Variants in FAM135A observed in about 807,000 individuals in gnomAD.
FAM135A encodes protein FAM135A.
FAM135A carries 79 observed loss-of-function variants against 146.8 expected under a neutral mutation model. That is an observed-to-expected ratio of 0.54 (90% confidence interval 0.45 to 0.65). The LOEUF is 0.65. Among genes scored for constraint, FAM135A ranks in the 30% least tolerant of loss-of-function variants. The pLI, the probability that FAM135A is intolerant of heterozygous loss-of-function variation, is 0.00. For missense variants in FAM135A, 1,623 were observed against 1,758.2 expected (o/e 0.92, Z 1.38); for synonymous variants, 562 against 603.6 (o/e 0.93, Z 1.01).
intron 20 of FAM135A, among the ~76,000 whole-genome samples, chr6:70,539,864 T>C (rs1393390788): frequency 2.0e-5 from 3 of 151,876 alleles, no homozygotes; most frequent in Non-Finnish European, 4.4e-5. Flanking sequence ...GGCGTGGTGG[T>C]GGGCACCTGT....
chr6:70,480,345 C>CT (rs1783469739), intron 8 of FAM135A, among the ~76,000 whole-genome samples: 1 of 152,054 alleles, frequency 6.6e-6, no homozygotes, highest in Non-Finnish European at 1.5e-5. Context: ...TGGCACATGA[C>CT]TGTAGTTCTA....
intron 8 of FAM135A, 44 bp downstream of exon 8, chr6:70,477,376 C>T (rs753296193): frequency 6.3e-7 from 1 of 1,576,552 alleles, no homozygotes; most frequent in Non-Finnish European, 8.7e-7. Context: ...TCTTACACTG[C>T]AATAAAGAAA....
intron 4 of FAM135A, among the ~76,000 whole-genome samples, chr6:70,439,447 C>T (rs1773951942): frequency 6.6e-6 from 1 of 152,116 alleles, no homozygotes; most frequent in East Asian, 1.9e-4. Flanking sequence ...TTAATATTTA[C>T]AAGAAATACC....
At chr6:70,457,667 T>C (rs1320255173) in intron 5 of FAM135A, among the ~76,000 whole-genome samples, 1 of 152,226 alleles carries the variant, frequency 6.6e-6, no homozygotes, top group Non-Finnish European at 1.5e-5. Context: ...TTGATCACTA[T>C]TCTTCATCAA....
chr6:70,477,129 T>C, intron 7 of FAM135A, 30 bp from the exon 8 acceptor site: 4 of 1,592,566 alleles, frequency 2.5e-6, no homozygotes, highest in Non-Finnish European at 2.6e-6. Context: ...AAATGTTTCA[T>C]ACTTACATGC....
chr6:70,506,491 T>A (rs1468933524), intron 12 of FAM135A, among the ~76,000 whole-genome samples: 1 of 152,160 alleles, frequency 6.6e-6, no homozygotes, highest in African/African-American at 2.4e-5. Flanking sequence ...TGAATGTGGC[T>A]GTGTTTCAAT....
At chr6:70,422,297 A>G (rs1336167095) in intron 2 of FAM135A, among the ~76,000 whole-genome samples, 1 of 152,218 alleles carries the variant, frequency 6.6e-6, no homozygotes, top group Non-Finnish European at 1.5e-5. Flanking sequence ...GTTTCTAAGA[A>G]GAGGATCAAA....
At chr6:70,555,731 G>C (rs1800713297) in intron 20 of FAM135A, among the ~76,000 whole-genome samples, 1 of 151,918 alleles carries the variant, frequency 6.6e-6, no homozygotes, top group Non-Finnish European at 1.5e-5. Context: ...AGAATGAAGG[G>C]GGGGGAGTCA....
At chr6:70,540,893 T>G (rs1259375549) in intron 20 of FAM135A, among the ~76,000 whole-genome samples, 5 of 152,202 alleles carry the variant, frequency 3.3e-5, no homozygotes, top group African/African-American at 1.2e-4. Flanking sequence ...ATCTATTCCC[T>G]TAGACACTCT....
Position 70,526,517 on chromosome 6 carries a change from C to T in FAM135A, c.3433C>T (p.Pro1145Ser). Residue 1145 changes from proline (P) to serine (S), a missense_variant, in exon 15 of 22, where the codon CCT becomes TCT. By Grantham distance (74) the Pro-to-Ser change is moderately conservative. This residue lies in a region of FAM135A where 1,061 missense variants were observed against 1,113.8 expected (regional missense o/e 0.95). Transcript: ENST00000418814. ...SDYLRDGINMPTVCTSGCLSF... is the reference protein window; with the variant it reads ...SDYLRDGINMSTVCTSGCLSF... ...CTATCTGAGAGATGGTATAAACATG[C>T]CTACTGTCTGTACTTCTGGTTGTTT... 2 of 1,613,498 alleles carry T rather than the reference C, an allele frequency of 1.2e-6. No homozygotes were observed. The highest frequency in any genetic ancestry group is 1.7e-6 in the Non-Finnish European group (2 of 1,179,666).
intron 4 of FAM135A, among the ~76,000 whole-genome samples, chr6:70,429,278 C>T (rs1770921459): frequency 6.6e-6 from 1 of 151,944 alleles, no homozygotes; most frequent in African/African-American, 2.4e-5. Context: ...TTTGGGAGGC[C>T]GAGGCGGGCA....
At chr6:70,557,626 A>G (rs58370765) in intron 21 of FAM135A, 42,851 of 149,906 alleles carry the variant, frequency 0.29, 8,272 homozygotes, top group African/African-American at 0.55. Flanking sequence ...CCCGGGAGGG[A>G]AAGGTTGCAG....
chr6:70,552,234 AT>A (rs1244172700), intron 20 of FAM135A, among the ~76,000 whole-genome samples: 4 of 152,164 alleles, frequency 2.6e-5, no homozygotes, highest in Non-Finnish European at 4.4e-5. Context: ...AGTGACATTA[AT>A]TTATACATAA....
At chr6:70,489,992 C>G (rs926554610) in intron 10 of FAM135A, among the ~76,000 whole-genome samples, 15 of 152,128 alleles carry the variant, frequency 9.9e-5, no homozygotes, top group Non-Finnish European at 2.9e-5. Context: ...CTTGCCTGCT[C>G]GTATCTGGCC....
chr6:70,556,844 T>A lies in FAM135A; in HGVS notation c.4323T>A (p.Ala1441=). The change falls in exon 21 of 22, where the codon GCT becomes GCA. Residue 1441 remains alanine (A), a synonymous_variant. Transcript: ENST00000418814. ...CCCGCATTGAAATGTGTAAAACAGC[T>A]TTAAAGGACAAACAGTCAGGTAATG... ...HSARIEMCKT[A]LKDKQSGQIY... is the part of the protein sequence containing the mutation. The A allele has an allele frequency of 6.2e-7, 1 of 1,613,742 alleles. No individual in the cohort carries two copies. Among genetic ancestry groups the A allele is most frequent in the East Asian group, 2.2e-5 (1 of 44,880 alleles).
intron 2 of FAM135A, among the ~76,000 whole-genome samples, chr6:70,416,444 AG>A (rs1767594917): frequency 6.6e-6 from 1 of 151,996 alleles, no homozygotes; most frequent in African/African-American, 2.4e-5. Flanking sequence ...CCTTGTTGTG[AG>A]GGCTGTTTAG....
At chr6:70,524,260 G>A in intron 14 of FAM135A, 83 bp from the exon 15 acceptor site, 1 of 1,398,976 alleles carries the variant, frequency 7.1e-7, no homozygotes, top group Non-Finnish European at 9.5e-7. Context: ...GATATTAGAA[G>A]TTATAGTTAG....
chr6:70,491,321 T>G (rs772503423), intron 11 of FAM135A, among the ~76,000 whole-genome samples: 4 of 151,974 alleles, frequency 2.6e-5, no homozygotes, highest in Non-Finnish European at 5.9e-5. Flanking sequence ...GCAAAGATAA[T>G]TAACTGATCA....
chr6:70,542,934 C>A (rs917658492), intron 20 of FAM135A, among the ~76,000 whole-genome samples: 27 of 152,068 alleles, frequency 1.8e-4, no homozygotes, highest in African/African-American at 6.5e-4. Context: ...ATTTCCATAG[C>A]ATTATATATC....
Sources: gnomAD v4.1 joint callset for allele counts (sites outside exome capture counted in the v4.1 genomes callset) on GRCh38, gnomAD v4.1.1 for gene constraint, gnomAD v4.1.1 regional missense constraint, MANE v1.5 for transcripts, NCBI Gene and HGNC (gene_info 2026-07-23, HGNC 2026-07-21) for gene names.